Variants in CERCAM observed in about 807,000 individuals in gnomAD.
CERCAM encodes cerebral endothelial cell adhesion molecule.
Under a neutral mutation model 66.0 loss-of-function variants are expected in CERCAM, and 59 were observed. The observed-to-expected ratio is 0.89, with a 90% CI of 0.73 to 1.11. The LOEUF is 1.11. Ranked by LOEUF, CERCAM falls within the 50% of genes most tolerant of loss-of-function variation. The pLI is 0.00. For synonymous variants in CERCAM, 318 were observed against 343.6 expected (o/e 0.93, Z 0.83); for missense variants, 840 against 828.3 (o/e 1.01, Z -0.17).
intron 9 of CERCAM, among the ~76,000 whole-genome samples, chr9:128,433,367 C>G (rs1363430797): frequency 6.6e-6 from 1 of 151,770 alleles, no homozygotes; most frequent in Non-Finnish European, 1.5e-5. Context: ...AGGAGAATCA[C>G]TTGAACCCGG....
Position 128,434,049 on chromosome 9 carries a change from A to G in CERCAM, c.1204-53A>G. 3.1e-6 allele frequency: 5 copies of G among 1,600,180 alleles called. No individual in the cohort carries two copies. The highest frequency in any genetic ancestry group is 1.7e-4 in the Middle Eastern group (1 of 6,000). On this transcript the variant is annotated intron_variant, in intron 9 of 12. Transcript: ENST00000372838. The surrounding 1 kb of genome is among the most constrained non-coding windows in gnomAD (Gnocchi z 4.5). The stretch of plus-strand genomic sequence containing the variant: ...AGGCTGTGAGCTTCAGCGTGGAGGG[A>G]GGGGGGTTGTTTAACTCCGAAGAGC...
intron 2 of CERCAM, 77 bp from the exon 3 acceptor site, chr9:128,423,069 G>A: frequency 6.2e-7 from 1 of 1,601,750 alleles, no homozygotes; most frequent in East Asian, 2.3e-5. Context: ...CAGCCTCCAA[G>A]CCAGGGCTCT....
rs140781523 is a variant in CERCAM at position 128,434,587 on chromosome 9, G to T, written c.1509G>T (p.Leu503=). ...GCATGCTGCCCGTGGACGAGTTCCTGCCCATCATGTTCGACCAGCACCCCA... is the reference window on the plus strand; with the variant it reads ...GCATGCTGCCCGTGGACGAGTTCCTTCCCATCATGTTCGACCAGCACCCCA... ...LRRMLPVDEF[L]PIMFDQHPNE... Residue 503 remains leucine (L), a synonymous_variant, in exon 11 of 13, where the codon CTG becomes CTT. Coordinates refer to ENST00000372838, the MANE Select transcript of CERCAM (RefSeq NM_016174.5). The surrounding 1 kb of genome is among the most constrained non-coding windows in gnomAD (Gnocchi z 4.5). 31 of 1,609,678 alleles carry T rather than the reference G, an allele frequency of 1.9e-5. No individual in the cohort carries two copies. The highest frequency in any genetic ancestry group is 2.6e-5 in the Non-Finnish European group (31 of 1,179,884).
chr9:128,427,824 T>A (rs1588621211), intron 5 of CERCAM: 1 of 145,260 alleles, frequency 6.9e-6, no homozygotes, highest in African/African-American at 2.6e-5. Context: ...GGCTGCCAGG[T>A]GAAAGACATC....
chr9:128,424,736 C>T (rs1408918070), intron 5 of CERCAM, 122 bp downstream of exon 5: 4 of 837,836 alleles, frequency 4.8e-6, no homozygotes, highest in Admixed American at 5.2e-5. Flanking sequence ...TGAGTTACAA[C>T]TTTGGGTCAT....
Position 128,434,260 on chromosome 9 carries a change from G to A in CERCAM, c.1331+31G>A. On this transcript the variant is annotated intron_variant, in intron 10 of 12. Coordinates refer to ENST00000372838, the MANE Select transcript of CERCAM (RefSeq NM_016174.5). This position sits in a 1 kb window ranked among gnomAD's most constrained non-coding sequence, Gnocchi z 4.5. ...CAGCCTGCACCCTCAGGGACAAGGGGGCAGGGTGGGCCTCCGGAGTCTGCC... is the reference window on the plus strand; with the variant it reads ...CAGCCTGCACCCTCAGGGACAAGGGAGCAGGGTGGGCCTCCGGAGTCTGCC... The A allele has an allele frequency of 6.2e-7, 1 of 1,612,750 alleles. No homozygotes were observed. Among genetic ancestry groups the A allele is most frequent in the South Asian group, 1.1e-5 (1 of 90,974 alleles).
At chr9:128,433,835 C>T (rs927671814) in intron 9 of CERCAM, among the ~76,000 whole-genome samples, 5 of 152,194 alleles carry the variant, frequency 3.3e-5, no homozygotes, top group Non-Finnish European at 2.9e-5. Flanking sequence ...CCTGCAGATA[C>T]GCAGTGGCAC....
chr9:128,425,257 G>A (rs1019928930), intron 5 of CERCAM, among the ~76,000 whole-genome samples: 1 of 150,028 alleles, frequency 6.7e-6, no homozygotes, highest in Admixed American at 6.6e-5. Context: ...GGGTTTCACC[G>A]TGTTAACCAG....
At chr9:128,421,601 G>A in intron 1 of CERCAM, 1 of 859,272 alleles carries the variant, frequency 1.2e-6, no homozygotes, top group Non-Finnish European at 1.4e-6. Context: ...CAGCTCTCTT[G>A]GTAGATCTTG....
In CERCAM at chr9:128,421,054, C is replaced by T. The variant is rs567672078; in HGVS notation, c.177C>T (p.Pro59=). 3 of 1,362,372 alleles carry T rather than the reference C, an allele frequency of 2.2e-6. No homozygotes were observed. The highest frequency in any genetic ancestry group is 1.5e-5 in the African/African-American group (1 of 65,808). 84.4% of individuals were successfully genotyped at this position (1,362,372 alleles called of 1,614,324 possible). ...GCGCTCTGGAGCGGCTGGACTACCC[C>T]CGGGCCAGGATGGCCCTCTGGTGAG... ...YLGALERLDY[P]RARMALWCAT... Residue 59 remains proline (P), a synonymous_variant, in exon 1 of 13, where the codon CCC becomes CCT. Coordinates refer to ENST00000372838, the MANE Select transcript of CERCAM (RefSeq NM_016174.5).
chr9:128,421,058 G>A lies in CERCAM; in HGVS notation c.181G>A (p.Ala61Thr). Reference protein sequence around the residue: ...GALERLDYPRARMALWCATDH... With the variant: ...GALERLDYPRTRMALWCATDH... ...TCTGGAGCGGCTGGACTACCCCCGG[G>A]CCAGGATGGCCCTCTGGTGAGAGAC... The change falls in exon 1 of 13, where the codon GCC becomes ACC. Residue 61 changes from alanine to threonine, a missense_variant. Ala to Thr is a moderately conservative substitution (Grantham distance 58). Coordinates refer to ENST00000372838, the MANE Select transcript of CERCAM (RefSeq NM_016174.5). 2.2e-6 allele frequency: 3 copies of A among 1,349,482 alleles called. No individual in the cohort carries two copies. Among genetic ancestry groups the A allele is most frequent in the Non-Finnish European group, 2.9e-6 (3 of 1,049,648 alleles). The allele number at this position is 1,349,482 out of a possible 1,614,324, so 83.6% of individuals were successfully genotyped here.
intron 9 of CERCAM, 112 bp downstream of exon 9, chr9:128,431,415 C>A: frequency 2.1e-6 from 3 of 1,423,528 alleles, no homozygotes; most frequent in Non-Finnish European, 2.9e-6. Context: ...CAAAACCTGG[C>A]CAGCAGCTTT....
At chr9:128,427,006 T>C (rs1833860735) in intron 5 of CERCAM, among the ~76,000 whole-genome samples, 1 of 152,244 alleles carries the variant, frequency 6.6e-6, no homozygotes, top group Non-Finnish European at 1.5e-5. Context: ...CGTTGTTAAT[T>C]GGTCAATGGT....
At chr9:128,423,354 C>G in intron 3 of CERCAM, 91 bp downstream of exon 3, 1 of 1,053,260 alleles carries the variant, frequency 9.5e-7, no homozygotes, top group Admixed American at 2.0e-5. Context: ...CAGTGGCTCA[C>G]GCCTATAATC....
intron 5 of CERCAM, among the ~76,000 whole-genome samples, chr9:128,426,921 T>C (rs1213985359): frequency 6.6e-6 from 1 of 152,046 alleles, no homozygotes; most frequent in Admixed American, 6.6e-5. Context: ...GGTGAAACAA[T>C]TGGAGGGGAA....
chr9:128,422,726 A>G, intron 1 of CERCAM, 142 bp from the exon 2 acceptor site: 1 of 921,732 alleles, frequency 1.1e-6, no homozygotes, highest in South Asian at 1.7e-5. Flanking sequence ...TGCTGCCTCC[A>G]GCCTCTCTGC....
intron 5 of CERCAM, among the ~76,000 whole-genome samples, chr9:128,426,576 C>T (rs941740318): frequency 9.3e-5 from 14 of 151,016 alleles, no homozygotes; most frequent in South Asian, 4.2e-4. Context: ...GCCGAGATCG[C>T]GCCACTGCAC....
chr9:128,431,987 C>G (rs1833986552), intron 9 of CERCAM: 1 of 152,398 alleles, frequency 6.6e-6, no homozygotes, highest in African/African-American at 2.4e-5. Context: ...CTGCTATAGC[C>G]AAATATATGT....
intron 9 of CERCAM, among the ~76,000 whole-genome samples, chr9:128,433,278 CA>C (rs758064235): frequency 0.35 from 24,815 of 70,706 alleles, 3,016 homozygotes; most frequent in East Asian, 0.56. Context: ...AACTCCGTCT[CA>C]AAAAAAAAAA....
Sources: gnomAD v4.1 joint callset for allele counts (sites outside exome capture counted in the v4.1 genomes callset) on GRCh38, gnomAD v4.1.1 for gene constraint, Gnocchi (gnomAD v3.1) non-coding constraint, MANE v1.5 for transcripts, NCBI Gene and HGNC (gene_info 2026-07-23, HGNC 2026-07-21) for gene names.